The following GRSF1 variants were observed in gnomAD, a reference collection of about 807,000 sequenced individuals.
GRSF1 encodes the protein G-rich RNA sequence binding factor 1, also known as G-rich sequence factor 1.
In GRSF1, 50 loss-of-function variants were observed where a neutral mutation model predicts 51.1. The observed-to-expected ratio is 0.98, with a 90% CI of 0.78 to 1.24. The LOEUF is 1.24. Among genes scored for constraint, GRSF1 ranks in the 50% most tolerant of loss-of-function variants. The probability of loss-of-function intolerance (pLI) is 0.00; values close to 1 mark genes in which losing one functional copy is unlikely to be tolerated. For missense variants in GRSF1, 700 were observed against 639.7 expected (o/e 1.09, Z -1.02); for synonymous variants, 293 against 253.3 (o/e 1.16, Z -1.49).
Position 70,825,356 on chromosome 4 carries a change from C to T in GRSF1, c.1333G>A (p.Val445Met), listed in dbSNP as rs1299802699. 1.2e-6 allele frequency: 2 copies of T among 1,612,212 alleles called. No homozygotes were observed. Among genetic ancestry groups the T allele is most frequent in the African/African-American group, 1.3e-5 (1 of 74,952 alleles). ...GCATCCTCATGGGTCTCAAAGTGCA[C>T]ATCAGCTTCTCCAGTGGCCTTCCCA... ...SSGKATGEAD[V>M]HFETHEDAVA... The change falls in exon 8 of 10, where the codon GTG (valine) becomes ATG (methionine). Residue 445 changes from valine to methionine, a missense_variant. Transcript: ENST00000254799.
intron 5 of GRSF1, among the ~76,000 whole-genome samples, chr4:70,828,886 C>T (rs1294574485): frequency 6.6e-6 from 1 of 151,896 alleles, no homozygotes; most frequent in African/African-American, 2.4e-5. Flanking sequence ...TACAGGCGCC[C>T]GCCACCACGC....
chr4:70,839,354 T>C (rs1236822376), intron 1 of GRSF1, 117 bp downstream of exon 1: 7 of 1,502,344 alleles, frequency 4.7e-6, no homozygotes. Flanking sequence ...GTGCGGCGAG[T>C]GTCGCGGATC....
chr4:70,838,463 T>C (rs79669671), intron 1 of GRSF1, among the ~76,000 whole-genome samples: 1 of 152,290 alleles, frequency 6.6e-6, no homozygotes, highest in East Asian at 1.9e-4. Flanking sequence ...GCGTAAAGTA[T>C]TGGGCCAGGA....
upstream of GRSF1, among the ~76,000 whole-genome samples, chr4:70,840,274 C>T (rs1331264168): frequency 6.6e-6 from 1 of 152,168 alleles, no homozygotes; most frequent in African/African-American, 2.4e-5. Context: ...TGGGTGCAAT[C>T]GAACTGCTCT....
chr4:70,816,095 G>C lies in GRSF1; in HGVS notation c.*4792C>G, dbSNP rs1473985607. ...TGCCAGGGGAGGGAAGAAGGGACAG[G>C]AGAGAGAGGTGCAGGAATTGACTAG... On this transcript the variant is annotated 3_prime_UTR_variant, in exon 10 of 10. Coordinates refer to ENST00000254799, the MANE Select transcript of GRSF1 (RefSeq NM_002092.4). 6.6e-6 allele frequency: 1 copy of C among 152,188 alleles called. No homozygotes were observed. The highest frequency in any genetic ancestry group is 1.9e-4 in the East Asian group (1 of 5,194). 9.4% of individuals were successfully genotyped at this position (152,188 alleles called of 1,614,324 possible). A position where few individuals can be genotyped will look rare whatever the true frequency, so the allele number is the denominator to read the frequency against.
At chr4:70,836,133 T>A (rs1172928750) in intron 2 of GRSF1, 25 bp downstream of exon 2, 4 of 1,324,818 alleles carry the variant, frequency 3.0e-6, no homozygotes, top group Non-Finnish European at 4.0e-6. Flanking sequence ...AAAAAATAAA[T>A]AAATAAAACA....
At chr4:70,832,229 A>C in intron 4 of GRSF1, 78 bp downstream of exon 4, 1 of 1,197,192 alleles carries the variant, frequency 8.4e-7, no homozygotes, top group Non-Finnish European at 1.2e-6. Flanking sequence ...GCCCAGAAAC[A>C]GGCTCATCTA....
chr4:70,817,076 A>T lies in GRSF1; in HGVS notation c.*3811T>A, dbSNP rs1179880614. 6.6e-6 allele frequency: 1 copy of T among 152,242 alleles called. No homozygotes were observed. The highest frequency in any genetic ancestry group is 2.4e-5 in the African/African-American group (1 of 41,462). 9.4% of individuals were successfully genotyped at this position (152,242 alleles called of 1,614,324 possible). A position where few individuals can be genotyped will look rare whatever the true frequency, so the allele number is the denominator to read the frequency against. ...AAAGTCACTGCAAGCTTACACTAGAAACTGATAACAGGGCTGTGCGAGAAT... is the reference window on the plus strand; with the variant it reads ...AAAGTCACTGCAAGCTTACACTAGATACTGATAACAGGGCTGTGCGAGAAT... On this transcript the variant is annotated 3_prime_UTR_variant, in exon 10 of 10. Coordinates refer to ENST00000254799, the MANE Select transcript of GRSF1 (RefSeq NM_002092.4).
rs1734373181 is a variant in GRSF1 at position 70,839,501 on chromosome 4, C to CGCCGCCGCCAGCGACT, written c.311_326dup (p.Ala110ValfsTer30). Reference sequence around the variant, plus strand: ...TGTAGCTGCGCGTCGGGACGGCGGCCGCCGCCGCCAGCGACTGCGGCAGCA... The same window carrying CGCCGCCGCCAGCGACT: ...TGTAGCTGCGCGTCGGGACGGCGGCCGCCGCCGCCAGCGACTGCCGCCGCCAGCGACTGCGGCAGCA... On this transcript the variant is annotated frameshift_variant, in exon 1 of 10. Transcript: ENST00000254799. LOFTEE classifies it high-confidence loss of function. The CGCCGCCGCCAGCGACT allele has an allele frequency of 7.0e-7, 1 of 1,421,142 alleles. No individual in the cohort carries two copies. Among genetic ancestry groups the CGCCGCCGCCAGCGACT allele is most frequent in the Admixed American group, 3.1e-5 (1 of 32,156 alleles). The allele number at this position is 1,421,142 out of a possible 1,614,324, so 88.0% of individuals were successfully genotyped here.
At chr4:70,833,455 A>G (rs1224849978) in intron 2 of GRSF1, among the ~76,000 whole-genome samples, 182 bp from the exon 3 acceptor site, 18 of 152,186 alleles carry the variant, frequency 1.2e-4, no homozygotes, top group Non-Finnish European at 2.6e-4. Flanking sequence ...AAACCTTCCA[A>G]GTAGAAAAGA....
In GRSF1 at chr4:70,827,991, A is replaced by G; in HGVS notation, c.996T>C (p.His332=). Residue 332 remains histidine, a synonymous_variant, in exon 6 of 10, where the codon CAT becomes CAC. Coordinates refer to ENST00000254799, the MANE Select transcript of GRSF1 (RefSeq NM_002092.4). ...TTTTCTTTCCCTTATAAGAACCGACATGTGTTCGAACTTCATTCCTTCTGC... is the reference window on the plus strand; with the variant it reads ...TTTTCTTTCCCTTATAAGAACCGACGTGTGTTCGAACTTCATTCCTTCTGC... The part of the protein sequence containing the change: ...FPSRRNEVRT[H]VGSYKGKKIA... 4 of 1,613,570 alleles carry G rather than the reference A, an allele frequency of 2.5e-6. No individual in the cohort carries two copies. The South Asian group carries it at 4.4e-5, about 18-fold the overall frequency.
In GRSF1 at chr4:70,820,184, T is replaced by A. The variant is rs948809681; in HGVS notation, c.*703A>T. On this transcript the variant is annotated 3_prime_UTR_variant, in exon 10 of 10. Transcript: ENST00000254799. ...AGGGACAGTTTAGACAACTTTTAAG[T>A]TAAGACTAGAATGCCCCCTTAAGTA... is the stretch of plus-strand genomic sequence containing the variant. 2 of 152,244 alleles carry A rather than the reference T, an allele frequency of 1.3e-5. No homozygotes were observed. The highest frequency in any genetic ancestry group is 4.8e-5 in the African/African-American group (2 of 41,422). The allele number at this position is 152,244 out of a possible 1,614,324, so 9.4% of individuals were successfully genotyped here.
rs969632648 is a variant in GRSF1, at chr4:70,816,590, G to A, written c.*4297C>T. 1 of 151,982 alleles carries A rather than the reference G, an allele frequency of 6.6e-6. No homozygotes were observed. The highest frequency in any genetic ancestry group is 2.4e-5 in the African/African-American group (1 of 41,328). 9.4% of individuals were successfully genotyped at this position (151,982 alleles called of 1,614,324 possible). ...AATACAAAAATTAGTCAGGCGTGGT[G>A]GTGCACATCTGTAATCCCAGCTACT... On this transcript the variant is annotated 3_prime_UTR_variant, in exon 10 of 10. Coordinates refer to ENST00000254799, the MANE Select transcript of GRSF1 (RefSeq NM_002092.4).
upstream of GRSF1, among the ~76,000 whole-genome samples, chr4:70,842,792 G>T (rs998374571): frequency 6.6e-6 from 1 of 152,092 alleles, no homozygotes; most frequent in Non-Finnish European, 1.5e-5. Context: ...AACCTAAATA[G>T]ACAGAAATCC....
upstream of GRSF1, among the ~76,000 whole-genome samples, chr4:70,840,604 A>C (rs1463324299): frequency 6.6e-6 from 1 of 152,156 alleles, no homozygotes. Context: ...CTCTACTAAA[A>C]ACACAAAAAT....
In GRSF1 at chr4:70,823,974, C is replaced by CTTTTTTTTTTTTTTTTTT. The variant is rs577909875; in HGVS notation, c.*25+319_*25+320insAAAAAAAAAAAAAAAAAA. ...AAATAATTTCCACAGTTGTATCTCT[C>CTTTTTTTTTTTTTTTTTT]TCTTTTTTTTTTTTTTTTTTGAGTC... is the stretch of plus-strand genomic sequence containing the variant. On this transcript the variant is annotated intron_variant, in intron 9 of 9. Coordinates refer to ENST00000254799, the MANE Select transcript of GRSF1 (RefSeq NM_002092.4). Among the ~76,000 whole-genome samples the CTTTTTTTTTTTTTTTTTT allele has an allele frequency of 9.9e-5, 10 of 100,932 alleles. 5 individuals are homozygous for CTTTTTTTTTTTTTTTTTT. Among genetic ancestry groups the CTTTTTTTTTTTTTTTTTT allele is most frequent in the African/African-American group, 7.2e-5 (2 of 27,614 alleles). 66.2% of individuals were successfully genotyped at this position (100,932 alleles called of 152,430 possible). A position where few individuals can be genotyped will look rare whatever the true frequency, so the allele number is the denominator to read the frequency against.
In GRSF1 at chr4:70,826,255, G is replaced by A; in HGVS notation, c.1136-10C>T. ...ACCTCCTTAGGCAATTCTGAGAGGT[G>A]GAACAGAAAGCACTGTTAAAACATA... is the stretch of plus-strand genomic sequence containing the variant. On this transcript the variant is annotated splice_polypyrimidine_tract_variant and intron_variant, in intron 6 of 9. Coordinates refer to ENST00000254799, the MANE Select transcript of GRSF1 (RefSeq NM_002092.4). 2.5e-6 allele frequency: 4 copies of A among 1,594,092 alleles called. No homozygotes were observed. Among genetic ancestry groups the A allele is most frequent in the South Asian group, 1.1e-5 (1 of 87,934 alleles).
At chr4:70,828,638 G>A (rs1733829319) in intron 5 of GRSF1, among the ~76,000 whole-genome samples, 1 of 151,910 alleles carries the variant, frequency 6.6e-6, no homozygotes, top group Admixed American at 6.6e-5. Context: ...GTGTGAACAT[G>A]GCTCACTGCA....
chr4:70,833,131 C>T lies in GRSF1; in HGVS notation c.657G>A (p.Gln219=). Reference sequence around the variant, plus strand: ...GACTTCACATACCTTCCACATACCGCTGGCCCATGTACATGCGGTGCTTCT... The same window carrying T: ...GACTTCACATACCTTCCACATACCGTTGGCCCATGTACATGCGGTGCTTCT... The part of the protein sequence containing the change: ...ALEKHRMYMG[Q]RYVEVYEINN... Residue 219 remains glutamine, a synonymous_variant, in exon 3 of 10, where the codon CAG becomes CAA. Transcript: ENST00000254799. The T allele has an allele frequency of 1.2e-6, 2 of 1,613,938 alleles. No homozygotes were observed. The highest frequency in any genetic ancestry group is 1.7e-6 in the Non-Finnish European group (2 of 1,179,848).
Sources: gnomAD v4.1 joint callset for allele counts (sites outside exome capture counted in the v4.1 genomes callset) on GRCh38, gnomAD v4.1.1 for gene constraint, MANE v1.5 for transcripts, NCBI Gene and HGNC (gene_info 2026-07-23, HGNC 2026-07-21) for gene names.